PTPRN: variants seen among roughly 807,000 people sequenced by gnomAD.
PTPRN encodes protein tyrosine phosphatase receptor type N, also known as receptor-type tyrosine-protein phosphatase-like N.
In PTPRN, 70 loss-of-function variants were observed where a neutral mutation model predicts 108.5. The observed-to-expected ratio is 0.65, with a 90% CI of 0.53 to 0.79. The LOEUF is 0.79. Ranked by LOEUF, PTPRN falls within the 30% of genes least tolerant of loss-of-function variation. The pLI is 0.00. For synonymous variants in PTPRN, 496 were observed against 524.6 expected, an observed-to-expected ratio of 0.95 and a Z score of 0.75; for missense variants, 1,136 against 1,295.5, an observed-to-expected ratio of 0.88 and a Z score of 1.89.
rs1559301550 is a variant in PTPRN, at chr2:219,301,674, A to C, written c.1040T>G (p.Val347Gly). ...RLAAVLAGYG[V>G]ELRQLTPEQL... ...CTCAGGGGTCAGCTGACGCAGCTCTACCCCATAGCCCGCCAGCACAGCGGC... is the reference window on the plus strand; with the variant it reads ...CTCAGGGGTCAGCTGACGCAGCTCTCCCCCATAGCCCGCCAGCACAGCGGC... The change falls in exon 7 of 23, where the codon GTA becomes GGA. Residue 347 changes from valine to glycine, a missense_variant. Coordinates refer to ENST00000295718, the MANE Select transcript of PTPRN (RefSeq NM_002846.4). 6.2e-7 allele frequency: 1 copy of C among 1,613,156 alleles called. No homozygotes were observed. Among genetic ancestry groups the C allele is most frequent in the South Asian group, 1.1e-5 (1 of 91,046 alleles).
intron 1 of PTPRN, chr2:219,308,058 A>G: frequency 1.7e-6 from 1 of 573,786 alleles, no homozygotes; most frequent in Non-Finnish European, 3.1e-6. Flanking sequence ...CTGTATCCTT[A>G]AAAGCCTCTG....
chr2:219,290,507 A>G lies in PTPRN; in HGVS notation c.2868+31T>C. 2 of 1,540,000 alleles carry G rather than the reference A, an allele frequency of 1.3e-6. No homozygotes were observed. Among genetic ancestry groups the G allele is most frequent in the Non-Finnish European group, 8.8e-7 (1 of 1,137,622 alleles). On this transcript the variant is annotated intron_variant, in intron 22 of 22. Coordinates refer to ENST00000295718, the MANE Select transcript of PTPRN (RefSeq NM_002846.4). This position sits in a 1 kb window ranked among gnomAD's most constrained non-coding sequence, Gnocchi z 4.2. ...GAAGTGGGTGCTAGGGAAGGGTGGG[A>G]GCTGGGGTTGGGGCAGGAAGGCATG... is the stretch of plus-strand genomic sequence containing the variant.
rs368980295 is a variant in PTPRN at position 219,306,689 on chromosome 2, A to G, written c.280+755T>C. The stretch of plus-strand genomic sequence containing the variant: ...TCACCTTCTACTCTTCCTCTCCATC[A>G]GTCTTCTACAGTCCCCTGGCCTCCA... On this transcript the variant is annotated intron_variant, in intron 3 of 22. Coordinates refer to ENST00000295718, the MANE Select transcript of PTPRN (RefSeq NM_002846.4). Among the ~76,000 whole-genome samples the G allele has an allele frequency of 1.2e-3, 189 of 152,212 alleles. 7 individuals are homozygous for G. The South Asian group carries it at 0.039, about 31-fold the overall frequency.
At position 219,303,778 on chromosome 2, in the gene PTPRN, G is replaced by A. The variant is rs1302733762; in HGVS notation, c.334C>T (p.Arg112Cys). 12 of 1,613,982 alleles carry A rather than the reference G, an allele frequency of 7.4e-6. No homozygotes were observed. Among genetic ancestry groups the A allele is most frequent in the Middle Eastern group, 1.6e-4 (1 of 6,080 alleles). ...TCTGGGGGGCGAAGCCTGGGGATGCGCTCCATCTCCTGAGAGATCACATAC... is the reference window on the plus strand; with the variant it reads ...TCTGGGGGGCGAAGCCTGGGGATGCACTCCATCTCCTGAGAGATCACATAC... ...TQYVISQEME[R>C]IPRLRPPEPR... Residue 112 changes from arginine to cysteine, a missense_variant, in exon 4 of 23, where the codon CGC becomes TGC. Transcript: ENST00000295718.
At chr2:219,306,043 G>A (rs562552773) in intron 3 of PTPRN, among the ~76,000 whole-genome samples, 1 of 152,138 alleles carries the variant, frequency 6.6e-6, no homozygotes, top group East Asian at 1.9e-4. Context: ...TCAGCTACTC[G>A]GGAGGCTGAG....
chr2:219,309,237 G>A lies in PTPRN; in HGVS notation c.96C>T (p.Cys32=). The change falls in exon 1 of 23, where the codon TGC becomes TGT. Residue 32 remains cysteine (C), a synonymous_variant. Transcript: ENST00000295718. ...LLLLSSRPGG[C]SAVSAHGCLF... Reference sequence around the variant, plus strand: ...CCTGACCGTGGGCACTAACGGCGCTGCAGCCCCCCGGGCGGCTGCTCAGCA... The same window carrying A: ...CCTGACCGTGGGCACTAACGGCGCTACAGCCCCCCGGGCGGCTGCTCAGCA... 2 of 1,536,848 alleles carry A rather than the reference G, an allele frequency of 1.3e-6. No individual in the cohort carries two copies. Among genetic ancestry groups the A allele is most frequent in the East Asian group, 2.4e-5 (1 of 41,210 alleles).
In PTPRN at chr2:219,296,815, A is replaced by G. The variant is rs948143879; in HGVS notation, c.2244T>C (p.His748=). Residue 748 remains histidine (H), a synonymous_variant, in exon 16 of 23, where the codon CAT becomes CAC. Coordinates refer to ENST00000295718, the MANE Select transcript of PTPRN (RefSeq NM_002846.4). The surrounding 1 kb of genome is among the most constrained non-coding windows in gnomAD (Gnocchi z 6.0). ...TCTCCACCTTCAGTTTTATGCGGGC[A>G]TGGTCATCTGCACAGACCCGACACC... The part of the protein sequence containing the change: ...NRHPDFLPYD[H]ARIKLKVESS... The G allele has an allele frequency of 1.9e-6, 3 of 1,613,946 alleles. No individual in the cohort carries two copies. Among genetic ancestry groups the G allele is most frequent in the Non-Finnish European group, 2.5e-6 (3 of 1,179,966 alleles).
In PTPRN at chr2:219,297,974, C is replaced by T; in HGVS notation, c.1798G>A (p.Val600Met). The change falls in exon 13 of 23, where the codon GTG becomes ATG. Residue 600 changes from valine (V) to methionine (M), a missense_variant. Physicochemically the swap from Val to Met is conservative, Grantham distance 21. Coordinates refer to ENST00000295718, the MANE Select transcript of PTPRN (RefSeq NM_002846.4). This position sits in a 1 kb window ranked among gnomAD's most constrained non-coding sequence, Gnocchi z 6.0. ...TCTTGCTGCCGCGCATGCTGCCGCACACACAGAGCCACAGCCAGAGCCACC... is the reference window on the plus strand; with the variant it reads ...TCTTGCTGCCGCGCATGCTGCCGCATACACAGAGCCACAGCCAGAGCCACC... The part of the protein sequence containing the change: ...LLVALAVALC[V>M]RQHARQQDKE... 6.2e-7 allele frequency: 1 copy of T among 1,613,886 alleles called. No individual in the cohort carries two copies. Among genetic ancestry groups the T allele is most frequent in the Non-Finnish European group, 8.5e-7 (1 of 1,179,984 alleles).
Position 219,301,104 on chromosome 2 carries a change from A to G in PTPRN, c.1127-127T>C. 2.2e-6 allele frequency: 2 copies of G among 901,534 alleles called. 1 individual carries two copies. The highest frequency in any genetic ancestry group is 3.5e-6 in the Non-Finnish European group (2 of 566,484). 55.8% of individuals were successfully genotyped at this position (901,534 alleles called of 1,614,324 possible). On this transcript the variant is annotated intron_variant, in intron 7 of 22. Transcript: ENST00000295718. ...GCTGTGGTCTTCATCTCAGTCAGTG[A>G]CCAAGACCCTGTTACTGGTCTCATC...
chr2:219,302,464 A>G lies in PTPRN; in HGVS notation c.667T>C (p.Ser223Pro), dbSNP rs1432202089. Reference sequence around the variant, plus strand: ...CTGACCATCCCTGGGGAGCCCTCTGAGACCCTGGAGCCATCACGGGAGCCA... The same window carrying G: ...CTGACCATCCCTGGGGAGCCCTCTGGGACCCTGGAGCCATCACGGGAGCCA... ...QFGSRDGSRV[S>P]EGSPGMVSVG... is the part of the protein sequence containing the mutation. The change falls in exon 6 of 23, where the codon TCA becomes CCA. Residue 223 changes from serine (S) to proline (P), a missense_variant. Coordinates refer to ENST00000295718, the MANE Select transcript of PTPRN (RefSeq NM_002846.4). 6.2e-7 allele frequency: 1 copy of G among 1,613,894 alleles called. No individual in the cohort carries two copies. Among genetic ancestry groups the G allele is most frequent in the Non-Finnish European group, 8.5e-7 (1 of 1,179,930 alleles).
chr2:219,299,455 G>T (rs1952285942), intron 10 of PTPRN, 71 bp from the exon 11 acceptor site: 1 of 1,512,116 alleles, frequency 6.6e-7, no homozygotes, highest in Non-Finnish European at 9.2e-7. Context: ...GGCCAGCTCT[G>T]GCCCTCTCCC....
At chr2:219,294,301 CT>C (rs1335633224) in intron 19 of PTPRN, 1 of 396,646 alleles carries the variant, frequency 2.5e-6, no homozygotes, top group Non-Finnish European at 5.2e-6. Context: ...CAGAGAGAAA[CT>C]GGCAGACAGG....
At chr2:219,301,091 A>G (rs1322537088) in intron 7 of PTPRN, 114 bp from the exon 8 acceptor site, 14 of 1,059,782 alleles carry the variant, frequency 1.3e-5, no homozygotes, top group Admixed American at 1.2e-4. Flanking sequence ...TGTGGTCTTC[A>G]TCTCAGTCAG....
chr2:219,294,040 C>A (rs768241140), intron 19 of PTPRN: 6 of 502,290 alleles, frequency 1.2e-5, no homozygotes, highest in Non-Finnish European at 2.5e-5. Context: ...CAGTCTTTGC[C>A]TCTTCCCTGT....
intron 4 of PTPRN, 131 bp from the exon 5 acceptor site, chr2:219,302,968 C>T (rs963862611): frequency 2.6e-6 from 3 of 1,137,454 alleles, no homozygotes; most frequent in East Asian, 2.6e-5. Context: ...AACTGAGTGA[C>T]CTCAGGGGAA....
chr2:219,309,294 G>C lies in PTPRN; in HGVS notation c.39C>G (p.Ser13=). 6.8e-7 allele frequency: 1 copy of C among 1,460,898 alleles called. No homozygotes were observed. The highest frequency in any genetic ancestry group is 9.1e-7 in the Non-Finnish European group (1 of 1,101,504). 90.5% of individuals were successfully genotyped at this position (1,460,898 alleles called of 1,614,324 possible). The stretch of plus-strand genomic sequence containing the variant: ...GGCAGAGGAGCAGCCGGAGACCCCC[G>C]GATCCCCCGAGACCCCCAGGCCGCC... The part of the protein sequence containing the change: ...RPRRPGGLGG[S]GGLRLLLCLL... The change falls in exon 1 of 23, where the codon TCC becomes TCG. Residue 13 remains serine (S), a synonymous_variant. Coordinates refer to ENST00000295718, the MANE Select transcript of PTPRN (RefSeq NM_002846.4).
At position 219,289,862 on chromosome 2, in the gene PTPRN, C is replaced by T. The variant is rs963600673; in HGVS notation, c.*364G>A. 6 of 221,992 alleles carry T rather than the reference C, an allele frequency of 2.7e-5. No homozygotes were observed. Among genetic ancestry groups the T allele is most frequent in the African/African-American group, 1.4e-4 (6 of 43,700 alleles). 13.8% of individuals were successfully genotyped at this position (221,992 alleles called of 1,614,324 possible). On this transcript the variant is annotated 3_prime_UTR_variant, in exon 23 of 23. Coordinates refer to ENST00000295718, the MANE Select transcript of PTPRN (RefSeq NM_002846.4). ...CGACCCTCCACCCCATTCTTCCATA[C>T]TGGAGCATAGGGGGACACACACAGA...
At chr2:219,307,960 C>T in intron 1 of PTPRN, 118 bp from the exon 2 acceptor site, 1 of 996,854 alleles carries the variant, frequency 1.0e-6, no homozygotes, top group Non-Finnish European at 1.6e-6. Flanking sequence ...CTAAAGAAGG[C>T]CTTAAGCTGG....
In PTPRN at chr2:219,296,757, T is replaced by A; in HGVS notation, c.2302A>T (p.Ser768Cys). The change falls in exon 16 of 23, where the codon AGC (serine) becomes TGC (cysteine). Residue 768 changes from serine to cysteine, a missense_variant. Ser to Cys is a moderately radical substitution (Grantham distance 112, BLOSUM62 -1). Coordinates refer to ENST00000295718, the MANE Select transcript of PTPRN (RefSeq NM_002846.4). This position sits in a 1 kb window ranked among gnomAD's most constrained non-coding sequence, Gnocchi z 6.0. ...GAGTCAGGGCCACTCACAATGGGGC[T>A]GGCGTTGATGTAATCGCTCCGAGAA... ...SPSRSDYINA[S>C]PIIEHDPRMP... The A allele has an allele frequency of 1.2e-6, 2 of 1,613,976 alleles. No individual in the cohort carries two copies. The highest frequency in any genetic ancestry group is 1.7e-6 in the Non-Finnish European group (2 of 1,179,966).
Sources: gnomAD v4.1 joint callset for allele counts (sites outside exome capture counted in the v4.1 genomes callset) on GRCh38, gnomAD v4.1.1 for gene constraint, Gnocchi (gnomAD v3.1) non-coding constraint, MANE v1.5 for transcripts, NCBI Gene and HGNC (gene_info 2026-07-23, HGNC 2026-07-21) for gene names.